The following WDPCP variants were observed in gnomAD, a reference collection of about 807,000 sequenced individuals.
The protein encoded by WDPCP is WD repeat containing planar cell polarity effector, also known as WD repeat-containing and planar cell polarity effector protein fritz homolog.
Under a neutral mutation model 93.1 loss-of-function variants are expected in WDPCP, and 71 were observed. That is an observed-to-expected ratio of 0.76 (90% CI 0.63 to 0.93). The LOEUF is 0.93. Among genes scored for constraint, WDPCP ranks in the 40% least tolerant of loss-of-function variants. The pLI, the probability that WDPCP is intolerant of heterozygous loss-of-function variation, is 0.00. For missense variants in WDPCP, 844 were observed against 887.4 expected (o/e 0.95, Z 0.62); for synonymous variants, 315 against 315.0 (o/e 1.00, Z 0.00).
intron 13 of WDPCP, among the ~76,000 whole-genome samples, chr2:63,279,679 T>C (rs1683370475): frequency 6.6e-6 from 1 of 152,174 alleles, no homozygotes; most frequent in Admixed American, 6.5e-5. Flanking sequence ...TGTTGCTGTT[T>C]GCTGATGTTA....
upstream of WDPCP, among the ~76,000 whole-genome samples, chr2:63,591,581 T>A (rs917469367): frequency 1.3e-5 from 2 of 152,240 alleles, no homozygotes; most frequent in African/African-American, 2.4e-5. Context: ...TAGATAGTGA[T>A]CTTCACTCTC....
At chr2:63,643,063 T>A (rs1008916516) in intron 3 of WDPCP, 3 of 153,776 alleles carry the variant, frequency 2.0e-5, no homozygotes, top group Non-Finnish European at 4.3e-5. Flanking sequence ...AAATGCTTTT[T>A]TTGGCATCTG....
chr2:63,200,769 G>T (rs756568819), intron 14 of WDPCP, among the ~76,000 whole-genome samples: 1 of 151,976 alleles, frequency 6.6e-6, no homozygotes, highest in Non-Finnish European at 1.5e-5. Flanking sequence ...GGGTATCTAC[G>T]GTAAAAAATA....
intron 12 of WDPCP, among the ~76,000 whole-genome samples, chr2:63,337,095 T>C (rs986365983): frequency 3.3e-5 from 5 of 152,124 alleles, no homozygotes; most frequent in Non-Finnish European, 7.4e-5. Context: ...GGTTTTACCA[T>C]GTTGGCCAGG....
chr2:63,698,985 A>T (rs750742553), intron 2 of WDPCP, among the ~76,000 whole-genome samples: 29 of 152,142 alleles, frequency 1.9e-4, no homozygotes, highest in Non-Finnish European at 1.2e-4. Flanking sequence ...GCTATTACTT[A>T]GTCAGGCCCC....
intron 15 of WDPCP, among the ~76,000 whole-genome samples, chr2:63,161,813 G>A (rs1480672626): frequency 6.6e-6 from 1 of 150,874 alleles, no homozygotes; most frequent in Non-Finnish European, 1.5e-5. Context: ...GCTCAGGCTG[G>A]AGTGCGGTGG....
intron 2 of WDPCP, among the ~76,000 whole-genome samples, chr2:63,779,848 G>T (rs954719157): frequency 2.0e-5 from 3 of 152,030 alleles, no homozygotes; most frequent in Non-Finnish European, 2.9e-5. Flanking sequence ...TGTGAGCAAA[G>T]GATTTTAAAG....
intron 3 of WDPCP, among the ~76,000 whole-genome samples, chr2:63,609,767 G>A (rs915332922): frequency 2.6e-5 from 4 of 152,108 alleles, no homozygotes; most frequent in African/African-American, 7.2e-5. Context: ...AACTACTCGG[G>A]AGTCCGAGGT....
At chr2:63,294,361 T>C (rs1351095068) in intron 13 of WDPCP, among the ~76,000 whole-genome samples, 1 of 151,584 alleles carries the variant, frequency 6.6e-6, no homozygotes, top group Non-Finnish European at 1.5e-5. Context: ...ATACAAAAAA[T>C]TCGGTGGGCA....
chr2:63,477,589 C>T (rs1700042746), intron 6 of WDPCP, among the ~76,000 whole-genome samples: 2 of 152,056 alleles, frequency 1.3e-5, no homozygotes. Flanking sequence ...GGACACACAT[C>T]ATGAACTTTT....
intron 9 of WDPCP, among the ~76,000 whole-genome samples, chr2:63,419,902 C>A (rs1017164164): frequency 1.3e-5 from 2 of 152,068 alleles, no homozygotes; most frequent in African/African-American, 4.8e-5. Context: ...TTTAATGTTT[C>A]GATTATTTTT....
At chr2:63,384,293 C>CA (rs2104929380) in intron 10 of WDPCP, among the ~76,000 whole-genome samples, 1 of 152,116 alleles carries the variant, frequency 6.6e-6, no homozygotes, top group East Asian at 1.9e-4. Context: ...AGAGATGATA[C>CA]AATTACCAAT....
chr2:63,361,742 C>T (rs1229328538), intron 12 of WDPCP, among the ~76,000 whole-genome samples: 3 of 152,018 alleles, frequency 2.0e-5, no homozygotes, highest in African/African-American at 7.3e-5. Context: ...TTTTTGCAAA[C>T]AGTGCAAGTG....
intron 2 of WDPCP, among the ~76,000 whole-genome samples, chr2:63,688,284 G>A (rs193058338): frequency 3.4e-4 from 52 of 152,172 alleles, no homozygotes; most frequent in African/African-American, 1.2e-3. Context: ...AAAATTAGCC[G>A]GGCGTGGTGG....
chr2:63,622,513 C>T (rs1175225556), intron 3 of WDPCP: 1 of 1,613,798 alleles, frequency 6.2e-7, no homozygotes, highest in Non-Finnish European at 8.5e-7. Context: ...TCCTCCACCA[C>T]CATCAGCCGG....
intron 1 of WDPCP, among the ~76,000 whole-genome samples, chr2:63,516,673 T>C (rs1162645708): frequency 1.3e-5 from 2 of 152,128 alleles, no homozygotes; most frequent in African/African-American, 4.8e-5. Context: ...CAGGCCAGCA[T>C]TCAGATGACT....
chr2:63,165,458 G>A (rs201694753), intron 15 of WDPCP, among the ~76,000 whole-genome samples: 1 of 151,842 alleles, frequency 6.6e-6, no homozygotes, highest in South Asian at 2.1e-4. Context: ...ATATTGGCTT[G>A]TCATTTTTCT....
At chr2:63,123,672 T>C (rs1669696004) in intron 17 of WDPCP, among the ~76,000 whole-genome samples, 1 of 152,028 alleles carries the variant, frequency 6.6e-6, no homozygotes, top group Non-Finnish European at 1.5e-5. Flanking sequence ...ATTTATAAAA[T>C]AATTTATTTT....
chr2:63,421,325 T>C (rs1695843025), intron 9 of WDPCP, among the ~76,000 whole-genome samples: 1 of 152,156 alleles, frequency 6.6e-6, no homozygotes, highest in Non-Finnish European at 1.5e-5. Flanking sequence ...TATGTTTATA[T>C]TAATAAAATC....
Sources: gnomAD v4.1 joint callset for allele counts (sites outside exome capture counted in the v4.1 genomes callset) on GRCh38, gnomAD v4.1.1 for gene constraint, MANE v1.5 for transcripts, NCBI Gene and HGNC (gene_info 2026-07-23, HGNC 2026-07-21) for gene names.